The following CTNNA3 variants were observed in gnomAD, a reference collection of about 807,000 sequenced individuals.
The protein encoded by CTNNA3 is catenin alpha-3.
In CTNNA3, 76 loss-of-function variants were observed where a neutral mutation model predicts 95.7. The observed-to-expected ratio is 0.79, with a 90% CI of 0.66 to 0.96. The LOEUF is 0.96. Among genes scored for constraint, CTNNA3 ranks in the 40% least tolerant of loss-of-function variants. CTNNA3 has a pLI of 0.00. For synonymous variants in CTNNA3, 431 were observed against 374.4 expected (o/e 1.15, Z -1.74); for missense variants, 1,191 against 1,089.8 (o/e 1.09, Z -1.31).
chr10:66,122,998 C>T (rs1216887555), intron 13 of CTNNA3, among the ~76,000 whole-genome samples: 1 of 152,056 alleles, frequency 6.6e-6, no homozygotes, highest in Non-Finnish European at 1.5e-5. Flanking sequence ...CCATATAATT[C>T]CACCCCAGCC....
intron 15 of CTNNA3, among the ~76,000 whole-genome samples, chr10:66,018,187 T>TACACACACACACACACACACACACACAC (rs59373779): frequency 8.4e-5 from 12 of 142,080 alleles, no homozygotes; most frequent in African/African-American, 2.4e-4. Flanking sequence ...ACAGCTCAAA[T>TACACACACACACACACACACACACACAC]ACACACACAC....
chr10:67,623,919 C>A (rs569976745), intron 2 of CTNNA3, among the ~76,000 whole-genome samples: 3 of 152,042 alleles, frequency 2.0e-5, no homozygotes, highest in Non-Finnish European at 4.4e-5. Context: ...CAGGTTCAAG[C>A]GATTCTCCTA....
At chr10:66,911,161 C>T (rs1589412879) in intron 7 of CTNNA3, among the ~76,000 whole-genome samples, 2 of 152,272 alleles carry the variant, frequency 1.3e-5, no homozygotes, top group Non-Finnish European at 2.9e-5. Context: ...GTTTCAGTTA[C>T]TTAAGGGAAA....
intron 1 of CTNNA3, among the ~76,000 whole-genome samples, chr10:67,754,328 A>G (rs991234747): frequency 6.6e-6 from 1 of 152,160 alleles, no homozygotes; most frequent in Non-Finnish European, 1.5e-5. Context: ...GAGGGAGAGC[A>G]TCAGGATAAA....
chr10:67,249,784 C>G (rs1866036428), intron 5 of CTNNA3, among the ~76,000 whole-genome samples: 1 of 152,148 alleles, frequency 6.6e-6, no homozygotes, highest in African/African-American at 2.4e-5. Context: ...ACACAGGGCT[C>G]AGTCACACAC....
At chr10:66,257,178 G>A (rs2090819854) in intron 13 of CTNNA3, among the ~76,000 whole-genome samples, 1 of 152,210 alleles carries the variant, frequency 6.6e-6, no homozygotes, top group Admixed American at 6.5e-5. Context: ...AGGCCATCCA[G>A]CCCCTATCTT....
chr10:67,186,028 A>C (rs1489958867), intron 6 of CTNNA3, among the ~76,000 whole-genome samples: 1 of 89,710 alleles, frequency 1.1e-5, no homozygotes, highest in African/African-American at 3.6e-5. Flanking sequence ...TCCGTCTCAC[A>C]AAAAAAAAAA....
chr10:67,424,896 C>T lies in CTNNA3; in HGVS notation c.579+96946G>A, dbSNP rs181695955. On this transcript the variant is annotated intron_variant, in intron 5 of 17. Transcript: ENST00000433211. Reference sequence around the variant, plus strand: ...TGAATACATAGGTCTGCTAACTTTCCCACTTCTTTTGAAAATACTCAAAAA... The same window carrying T: ...TGAATACATAGGTCTGCTAACTTTCTCACTTCTTTTGAAAATACTCAAAAA... Among the ~76,000 whole-genome samples, 746 of 152,140 alleles carry T rather than the reference C, an allele frequency of 4.9e-3. 8 individuals carry two copies. Among genetic ancestry groups the T allele is most frequent in the South Asian group, 0.023 (110 of 4,834 alleles).
rs535763422 is a variant in CTNNA3, at chr10:66,878,865, GT to G, written c.1048-103342del. Among the ~76,000 whole-genome samples the G allele has an allele frequency of 1.9e-4, 29 of 152,218 alleles. 1 individual carries two copies. In the East Asian group the frequency reaches 5.6e-3, roughly 29 times the overall value. ...TGTGAATAGATTCATCCACCTGCCT[GT>G]TTTGCAAAGAAACTACAGAAAGATA... On this transcript the variant is annotated intron_variant, in intron 7 of 17. Coordinates refer to ENST00000433211, the MANE Select transcript of CTNNA3 (RefSeq NM_013266.4).
intron 5 of CTNNA3, among the ~76,000 whole-genome samples, chr10:67,397,311 G>T (rs942468979): frequency 2.6e-5 from 4 of 152,200 alleles, no homozygotes; most frequent in Admixed American, 6.5e-5. Context: ...GGACAATAAA[G>T]TCCAGGCTGA....
chr10:66,377,160 C>T (rs956267342), intron 12 of CTNNA3, among the ~76,000 whole-genome samples: 1 of 152,086 alleles, frequency 6.6e-6, no homozygotes, highest in Non-Finnish European at 1.5e-5. Flanking sequence ...CAAAGATACA[C>T]CAAAATTTTT....
At chr10:66,896,012 G>C (rs866998097) in intron 7 of CTNNA3, among the ~76,000 whole-genome samples, 3 of 151,802 alleles carry the variant, frequency 2.0e-5, no homozygotes, top group Non-Finnish European at 4.4e-5. Context: ...CAGGAGAATT[G>C]CTTGAACCCA....
chr10:67,010,060 G>GAA (rs1852224899), intron 7 of CTNNA3, among the ~76,000 whole-genome samples: 2 of 152,040 alleles, frequency 1.3e-5, no homozygotes, highest in African/African-American at 4.8e-5. Flanking sequence ...TCTGAGTCAG[G>GAA]GCTCTTTAGA....
Position 66,928,095 on chromosome 10 carries a change from C to A in CTNNA3, c.1048-152571G>T, listed in dbSNP as rs753881412. 1.9e-6 allele frequency: 3 copies of A among 1,614,066 alleles called. No individual in the cohort carries two copies. The South Asian group carries it at 3.3e-5, about 18-fold the overall frequency. On this transcript the variant is annotated intron_variant, in intron 7 of 17. Coordinates refer to ENST00000433211, the MANE Select transcript of CTNNA3 (RefSeq NM_013266.4). ...CCAGGCCGAAGCATGAGAGCAAACC[C>A]CCTTTGCCCCCGACGGTGGGAGCCA...
At chr10:67,656,217 G>T (rs1004062642) in intron 1 of CTNNA3, among the ~76,000 whole-genome samples, 1 of 152,170 alleles carries the variant, frequency 6.6e-6, no homozygotes, top group South Asian at 2.1e-4. Context: ...TCTGAGGTTT[G>T]TCAGATCAAT....
chr10:67,175,521 C>T (rs937282036), intron 7 of CTNNA3, among the ~76,000 whole-genome samples: 1 of 152,052 alleles, frequency 6.6e-6, no homozygotes, highest in Non-Finnish European at 1.5e-5. Context: ...TCAGCAAATA[C>T]GTAATGAGAA....
At position 67,153,580 on chromosome 10, in the gene CTNNA3, ACAG is replaced by A. The variant is rs1861178244; in HGVS notation, c.1047+26734_1047+26736del. On this transcript the variant is annotated intron_variant, in intron 7 of 17. Coordinates refer to ENST00000433211, the MANE Select transcript of CTNNA3 (RefSeq NM_013266.4). ...TAGAATTTAAATTCAGAGTTCTCCG[ACAG>A]CAGCGATCTTTCTAACCTCCACTTT... Among the ~76,000 whole-genome samples the A allele has an allele frequency of 2.6e-5, 4 of 152,228 alleles. 1 individual carries two copies. The South Asian group carries it at 8.3e-4, about 31-fold the overall frequency.
intron 5 of CTNNA3, among the ~76,000 whole-genome samples, chr10:67,397,753 C>G (rs1160719978): frequency 1.3e-5 from 2 of 152,198 alleles, no homozygotes; most frequent in Non-Finnish European, 2.9e-5. Context: ...CCAGGGCCCC[C>G]CTGCTGTATG....
At chr10:66,512,567 C>T (rs1001123305) in intron 11 of CTNNA3, among the ~76,000 whole-genome samples, 1 of 151,808 alleles carries the variant, frequency 6.6e-6, no homozygotes, top group Non-Finnish European at 1.5e-5. Context: ...CATGTTTTTC[C>T]TTAATTGATA....
Sources: allele counts gnomAD v4.1 joint callset (sites outside exome capture counted in the v4.1 genomes callset), GRCh38; gene constraint gnomAD v4.1.1; transcripts MANE v1.5; gene names NCBI Gene and HGNC (gene_info 2026-07-23, HGNC 2026-07-21).